Variants in UBE2E1 observed in about 807,000 individuals in gnomAD.
UBE2E1 encodes ubiquitin-conjugating enzyme E2 E1.
In UBE2E1, 6 loss-of-function variants were observed where a neutral mutation model predicts 21.4. That is an observed-to-expected ratio of 0.28 (90% confidence interval 0.15 to 0.55). UBE2E1 has a LOEUF of 0.55. UBE2E1 is among the 20% of genes least tolerant of loss of function. The probability of loss-of-function intolerance (pLI) is 0.93; values close to 1 mark genes in which losing one functional copy is unlikely to be tolerated. For missense variants in UBE2E1, 142 were observed against 236.5 expected, an observed-to-expected ratio of 0.60 and a Z score of 2.62; for synonymous variants, 87 against 82.7, an observed-to-expected ratio of 1.05 and a Z score of -0.28.
At chr3:23,861,194 A>C (rs902550808) in intron 3 of UBE2E1, among the ~76,000 whole-genome samples, 1 of 152,182 alleles carries the variant, frequency 6.6e-6, no homozygotes, top group Admixed American at 6.5e-5. Context: ...GTTACTATGA[A>C]GTAGTTATGA....
chr3:23,841,536 G>A (rs1011052554), intron 3 of UBE2E1, among the ~76,000 whole-genome samples: 4 of 152,170 alleles, frequency 2.6e-5, no homozygotes, highest in Non-Finnish European at 5.9e-5. Flanking sequence ...TGGCCGCATT[G>A]TTAGAGATTG....
intron 3 of UBE2E1, among the ~76,000 whole-genome samples, chr3:23,838,075 TA>T (rs1212286807): frequency 6.6e-6 from 1 of 152,110 alleles, no homozygotes; most frequent in African/African-American, 2.4e-5. Flanking sequence ...TTATTTATTT[TA>T]TTTTTTTTTG....
At chr3:23,884,684 C>G (rs1701136904) in intron 3 of UBE2E1, among the ~76,000 whole-genome samples, 1 of 152,012 alleles carries the variant, frequency 6.6e-6, no homozygotes, top group Non-Finnish European at 1.5e-5. Context: ...TTGTTTTTTT[C>G]TAGGTTGGTT....
chr3:23,811,819 T>C (rs1470927084), intron 3 of UBE2E1, among the ~76,000 whole-genome samples: 1 of 152,252 alleles, frequency 6.6e-6, no homozygotes, highest in Non-Finnish European at 1.5e-5. Context: ...TTAAAGATGA[T>C]GTAAAACCTT....
intron 3 of UBE2E1, among the ~76,000 whole-genome samples, chr3:23,835,112 A>G (rs1699950393): frequency 6.6e-6 from 1 of 152,204 alleles, no homozygotes; most frequent in African/African-American, 2.4e-5. Flanking sequence ...TCTAGCATTA[A>G]CTGTTAAATG....
At position 23,853,557 on chromosome 3, in the gene UBE2E1, A is replaced by G. The variant is rs1700372167; in HGVS notation, c.204-34010A>G. Among the ~76,000 whole-genome samples, 1 of 151,998 alleles carries G rather than the reference A, an allele frequency of 6.6e-6. No homozygotes were observed. Among genetic ancestry groups the G allele is most frequent in the Non-Finnish European group, 1.5e-5 (1 of 67,984 alleles). Reference sequence around the variant, plus strand: ...TCTTCTGTTGTTTTTTTTTAATATAAGTTTTATGGTTTTAGCTGTTAAATT... The same window carrying G: ...TCTTCTGTTGTTTTTTTTTAATATAGGTTTTATGGTTTTAGCTGTTAAATT... On this transcript the variant is annotated intron_variant, in intron 3 of 5. Transcript: ENST00000306627. The surrounding 1 kb of genome is among the most constrained non-coding windows in gnomAD (Gnocchi z 4.1).
chr3:23,843,366 GA>G (rs1344858024), intron 3 of UBE2E1, among the ~76,000 whole-genome samples: 8 of 152,118 alleles, frequency 5.3e-5, no homozygotes, highest in African/African-American at 1.9e-4. Context: ...TATGAGTCAG[GA>G]CCATTGAGTT....
In UBE2E1 at chr3:23,837,198, A is replaced by C. The variant is rs72627009; in HGVS notation, c.203+25688A>C. On this transcript the variant is annotated intron_variant, in intron 3 of 5. Coordinates refer to ENST00000306627, the MANE Select transcript of UBE2E1 (RefSeq NM_003341.5). ...CTCACAGTAAGCACTAACACTAACA[A>C]AAAAGTTATACTATTATTTTCACCT... Among the ~76,000 whole-genome samples, 434 of 152,366 alleles carry C rather than the reference A, an allele frequency of 2.8e-3. 10 individuals carry two copies. The East Asian group carries it at 0.044, about 15-fold the overall frequency.
At chr3:23,861,063 A>G (rs1161097108) in intron 3 of UBE2E1, among the ~76,000 whole-genome samples, 4 of 152,246 alleles carry the variant, frequency 2.6e-5, no homozygotes, top group Admixed American at 6.5e-5. Flanking sequence ...GAGACTGCAC[A>G]GGCCAGAAAA....
rs1028789514 is a variant in UBE2E1 at position 23,816,449 on chromosome 3, G to C, written c.203+4939G>C. Among the ~76,000 whole-genome samples, 1 of 152,218 alleles carries C rather than the reference G, an allele frequency of 6.6e-6. No individual in the cohort carries two copies. Among genetic ancestry groups the C allele is most frequent in the Non-Finnish European group, 1.5e-5 (1 of 68,038 alleles). On this transcript the variant is annotated intron_variant, in intron 3 of 5. Coordinates refer to ENST00000306627, the MANE Select transcript of UBE2E1 (RefSeq NM_003341.5). This position sits in a 1 kb window ranked among gnomAD's most constrained non-coding sequence, Gnocchi z 4.8. ...GGGCTGGGCGCAGTGGATTACGCTT[G>C]TAATCCCAGCACTTTGGGAGGCTGA...
intron 3 of UBE2E1, among the ~76,000 whole-genome samples, chr3:23,862,754 C>G (rs1168673355): frequency 6.6e-6 from 1 of 152,082 alleles, no homozygotes; most frequent in Non-Finnish European, 1.5e-5. Context: ...GAGACAGAGT[C>G]TTGCTCTGTC....
rs1430236799 is a variant in UBE2E1 at position 23,808,384 on chromosome 3, G to C, written c.152+963G>C. Among the ~76,000 whole-genome samples the C allele has an allele frequency of 1.3e-5, 2 of 152,138 alleles. No individual in the cohort carries two copies. Among genetic ancestry groups the C allele is most frequent in the Non-Finnish European group, 2.9e-5 (2 of 68,028 alleles). On this transcript the variant is annotated intron_variant, in intron 2 of 5. Transcript: ENST00000306627. The surrounding 1 kb of genome is among the most constrained non-coding windows in gnomAD (Gnocchi z 4.9). ...CCTTTCATAAATCCTTCTGCTCTCA[G>C]AGTTAGGCAGTTGTTAAAAAGGTGG...
intron 3 of UBE2E1, among the ~76,000 whole-genome samples, chr3:23,828,105 GTC>G (rs1415039617): frequency 2.0e-4 from 31 of 152,192 alleles, no homozygotes; most frequent in Admixed American, 1.6e-3. Flanking sequence ...ATTTGTGTTT[GTC>G]TCTCTGTCAA....
intron 3 of UBE2E1, among the ~76,000 whole-genome samples, chr3:23,884,939 C>T (rs1258246146): frequency 1.3e-5 from 2 of 152,212 alleles, no homozygotes; most frequent in East Asian, 3.8e-4. Flanking sequence ...ATATAGTCCA[C>T]TTTTCATTAA....
chr3:23,840,108 AGTT>A (rs1477132223), intron 3 of UBE2E1, among the ~76,000 whole-genome samples: 2 of 152,050 alleles, frequency 1.3e-5, no homozygotes, highest in East Asian at 1.9e-4. Flanking sequence ...GTTTAATCTC[AGTT>A]GTTGTATTTC....
intron 3 of UBE2E1, among the ~76,000 whole-genome samples, chr3:23,884,202 C>CA (rs1413262938): frequency 2.0e-5 from 3 of 146,948 alleles, no homozygotes; most frequent in Non-Finnish European, 3.0e-5. Context: ...TCTGAACTTT[C>CA]AAAAAAATTA....
At chr3:23,845,002 GTA>G (rs1486115150) in intron 3 of UBE2E1, among the ~76,000 whole-genome samples, 2 of 152,116 alleles carry the variant, frequency 1.3e-5, no homozygotes, top group African/African-American at 2.4e-5. Flanking sequence ...TTCATAGATG[GTA>G]TAGGGAAATT....
chr3:23,826,868 T>C (rs1308143983), intron 3 of UBE2E1, among the ~76,000 whole-genome samples: 1 of 152,204 alleles, frequency 6.6e-6, no homozygotes, highest in Non-Finnish European at 1.5e-5. Flanking sequence ...CTTTTTGATA[T>C]ATATGCTATA....
Position 23,829,446 on chromosome 3 carries a change from C to A in UBE2E1, c.203+17936C>A, listed in dbSNP as rs1407503794. ...AAGTGCTGGGATTACAGGTGTGAATCACCACACCCAGACCCAGCTGTTTTC... is the reference window on the plus strand; with the variant it reads ...AAGTGCTGGGATTACAGGTGTGAATAACCACACCCAGACCCAGCTGTTTTC... On this transcript the variant is annotated intron_variant, in intron 3 of 5. Coordinates refer to ENST00000306627, the MANE Select transcript of UBE2E1 (RefSeq NM_003341.5). Among the ~76,000 whole-genome samples, 3 of 152,026 alleles carry A rather than the reference C, an allele frequency of 2.0e-5. No individual in the cohort carries two copies. In the East Asian group the frequency reaches 5.8e-4, roughly 30 times the overall value.
Sources: gnomAD v4.1 joint callset for allele counts (sites outside exome capture counted in the v4.1 genomes callset) on GRCh38, gnomAD v4.1.1 for gene constraint, Gnocchi (gnomAD v3.1) non-coding constraint, MANE v1.5 for transcripts, NCBI Gene and HGNC (gene_info 2026-07-23, HGNC 2026-07-21) for gene names.